The following PIEZO2 variants were observed in gnomAD, a reference collection of about 807,000 sequenced individuals.
The protein encoded by PIEZO2 is piezo type mechanosensitive ion channel component 2.
PIEZO2 carries 172 observed loss-of-function variants against 337.3 expected under a neutral mutation model. The observed-to-expected ratio is 0.51, with a 90% CI of 0.45 to 0.58. The LOEUF is 0.58. Among genes scored for constraint, PIEZO2 ranks in the 20% least tolerant of loss-of-function variants. The pLI, the probability that PIEZO2 is intolerant of heterozygous loss-of-function variation, is 0.00. For synonymous variants in PIEZO2, 1,251 were observed against 1,228.5 expected (o/e 1.02, Z -0.38); for missense variants, 3,028 against 3,391.3 (o/e 0.89, Z 2.66).
chr18:10,709,491 G>A (rs1028599933), intron 39 of PIEZO2: 3 of 152,278 alleles, frequency 2.0e-5, no homozygotes, highest in Non-Finnish European at 4.4e-5. Context: ...GATCTTTAGA[G>A]ATATAGGTTG....
chr18:11,139,590 A>T (rs2040583446), intron 1 of PIEZO2, among the ~76,000 whole-genome samples: 1 of 152,228 alleles, frequency 6.6e-6, no homozygotes, highest in African/African-American at 2.4e-5. Context: ...CGATGGGAGC[A>T]AATAAGCTAT....
At chr18:10,774,338 A>G (rs1311680514) in intron 18 of PIEZO2, among the ~76,000 whole-genome samples, 1 of 152,248 alleles carries the variant, frequency 6.6e-6, no homozygotes, top group Non-Finnish European at 1.5e-5. Context: ...GCAACAAACC[A>G]TCTTGCAAGA....
intron 2 of PIEZO2, among the ~76,000 whole-genome samples, chr18:11,049,740 T>C (rs1416425407): frequency 6.6e-6 from 1 of 152,194 alleles, no homozygotes; most frequent in Non-Finnish European, 1.5e-5. Context: ...TCTCCTTCTG[T>C]CTTGCCTGCC....
At position 10,759,411 on chromosome 18, in the gene PIEZO2, T is replaced by C. The variant is rs2143841366; in HGVS notation, c.3757+71A>G. 1 of 1,296,210 alleles carries C rather than the reference T, an allele frequency of 7.7e-7. No homozygotes were observed. The highest frequency in any genetic ancestry group is 1.1e-6 in the Non-Finnish European group (1 of 931,062). The allele number at this position is 1,296,210 out of a possible 1,614,324, so 80.3% of individuals were successfully genotyped here. A position where few individuals can be genotyped will look rare whatever the true frequency, so the allele number is the denominator to read the frequency against. On this transcript the variant is annotated intron_variant, in intron 26 of 55. Transcript: ENST00000674853. This position sits in a 1 kb window ranked among gnomAD's most constrained non-coding sequence, Gnocchi z 5.5. ...GTGGAAGACAAAAGGCACTAATGCATAGCACGTGAACAATGATTAACAGTA... is the reference window on the plus strand; with the variant it reads ...GTGGAAGACAAAAGGCACTAATGCACAGCACGTGAACAATGATTAACAGTA...
intron 2 of PIEZO2, among the ~76,000 whole-genome samples, chr18:11,006,786 T>C (rs2035740564): frequency 6.6e-6 from 1 of 152,212 alleles, no homozygotes; most frequent in Non-Finnish European, 1.5e-5. Context: ...ATCTATTATT[T>C]GACTATGAAG....
intron 3 of PIEZO2, among the ~76,000 whole-genome samples, chr18:10,925,534 G>A (rs1366187522): frequency 1.3e-5 from 2 of 152,128 alleles, no homozygotes; most frequent in South Asian, 4.1e-4. Flanking sequence ...AAAATAAAGA[G>A]GGAGGAGATA....
At chr18:11,137,719 A>C (rs1485629929) in intron 1 of PIEZO2, among the ~76,000 whole-genome samples, 1 of 152,150 alleles carries the variant, frequency 6.6e-6, no homozygotes, top group East Asian at 1.9e-4. Flanking sequence ...AACTCTGCCC[A>C]TCTCTCTAAT....
At chr18:10,693,558 T>G (rs1399344887) in intron 47 of PIEZO2, among the ~76,000 whole-genome samples, 1 of 151,850 alleles carries the variant, frequency 6.6e-6, no homozygotes, top group Non-Finnish European at 1.5e-5. Context: ...AGACGGGGTT[T>G]CACCATATTG....
intron 44 of PIEZO2, 67 bp downstream of exon 44, chr18:10,698,858 C>A: frequency 1.3e-6 from 2 of 1,521,162 alleles, no homozygotes; most frequent in South Asian, 2.4e-5. Flanking sequence ...CCCAGACCCA[C>A]AGGCACCAGA....
intron 5 of PIEZO2, among the ~76,000 whole-genome samples, chr18:10,860,449 G>A (rs2041843126): frequency 6.6e-6 from 1 of 152,064 alleles, no homozygotes; most frequent in African/African-American, 2.4e-5. Flanking sequence ...CGGGTCCCAG[G>A]GCAGCTCTTC....
chr18:11,056,883 T>C (rs956381071), intron 2 of PIEZO2, among the ~76,000 whole-genome samples: 2 of 152,236 alleles, frequency 1.3e-5, no homozygotes, highest in Non-Finnish European at 2.9e-5. Context: ...TCTTAGTTTT[T>C]GATTCTGAAA....
At chr18:11,059,300 A>T (rs1200651322) in intron 2 of PIEZO2, among the ~76,000 whole-genome samples, 10 of 152,260 alleles carry the variant, frequency 6.6e-5, no homozygotes, top group Admixed American at 5.9e-4. Flanking sequence ...CACTGCAAAA[A>T]CATGCCAAAT....
At chr18:10,904,803 G>C (rs927244939) in intron 4 of PIEZO2, among the ~76,000 whole-genome samples, 2 of 152,204 alleles carry the variant, frequency 1.3e-5, no homozygotes, top group African/African-American at 4.8e-5. Flanking sequence ...ACTGAGATAT[G>C]GGGTTGTTCG....
intron 36 of PIEZO2, among the ~76,000 whole-genome samples, chr18:10,722,302 C>T (rs1171498060): frequency 1.3e-5 from 2 of 151,470 alleles, no homozygotes; most frequent in Admixed American, 6.6e-5. Flanking sequence ...GCGGTCTCAG[C>T]TCACTGCAAC....
rs946569491 is a variant in PIEZO2, at chr18:11,016,676, T to C, written c.161-37016A>G. ...ACCAAAAATGCACAAAACAGGTACA[T>C]GGTGTTGAAGAAATCATGTTTCATG... On this transcript the variant is annotated intron_variant, in intron 2 of 55. Coordinates refer to ENST00000674853, the MANE Select transcript of PIEZO2 (RefSeq NM_001378183.1). This position sits in a 1 kb window ranked among gnomAD's most constrained non-coding sequence, Gnocchi z 5.6. Among the ~76,000 whole-genome samples, 3 of 152,160 alleles carry C rather than the reference T, an allele frequency of 2.0e-5. No individual in the cohort carries two copies. The highest frequency in any genetic ancestry group is 7.2e-5 in the African/African-American group (3 of 41,428).
intron 7 of PIEZO2, among the ~76,000 whole-genome samples, chr18:10,818,022 T>C (rs780160562): frequency 4.6e-5 from 7 of 152,106 alleles, no homozygotes; most frequent in Non-Finnish European, 1.0e-4. Flanking sequence ...CAACATATGC[T>C]AAATAAAGTA....
Position 10,847,485 on chromosome 18 carries a change from G to A in PIEZO2, c.917+7868C>T, listed in dbSNP as rs1347182017. Among the ~76,000 whole-genome samples, 1 of 152,206 alleles carries A rather than the reference G, an allele frequency of 6.6e-6. No homozygotes were observed. Among genetic ancestry groups the A allele is most frequent in the East Asian group, 1.9e-4 (1 of 5,186 alleles). On this transcript the variant is annotated intron_variant, in intron 7 of 55. Transcript: ENST00000674853. This position sits in a 1 kb window ranked among gnomAD's most constrained non-coding sequence, Gnocchi z 5.7. ...TCACTGGGCTGGATAAACACGCAGTGCAAAGGCCCGTGGGCTCGGCGAGAA... is the reference window on the plus strand; with the variant it reads ...TCACTGGGCTGGATAAACACGCAGTACAAAGGCCCGTGGGCTCGGCGAGAA...
chr18:10,934,636 C>CGTGTGTGTGTGTGG (rs2032277764), intron 3 of PIEZO2, among the ~76,000 whole-genome samples: 1 of 130,738 alleles, frequency 7.6e-6, no homozygotes, highest in Admixed American at 7.7e-5. Context: ...ATTGTGTGTA[C>CGTGTGTGTGTGTGG]GTGTGTGTGT....
intron 3 of PIEZO2, among the ~76,000 whole-genome samples, chr18:10,920,164 T>C (rs1194144317): frequency 6.6e-6 from 1 of 152,166 alleles, no homozygotes; most frequent in Non-Finnish European, 1.5e-5. Context: ...AAAGCCAGAC[T>C]CTTGCTCTTA....
Sources: gnomAD v4.1 joint callset for allele counts (sites outside exome capture counted in the v4.1 genomes callset) on GRCh38, gnomAD v4.1.1 for gene constraint, Gnocchi (gnomAD v3.1) non-coding constraint, MANE v1.5 for transcripts, NCBI Gene and HGNC (gene_info 2026-07-23, HGNC 2026-07-21) for gene names.